Variants in NUMB observed in about 807,000 individuals in gnomAD.
NUMB encodes the protein protein numb homolog.
A neutral mutation model predicts 59.7 loss-of-function variants in NUMB; 29 were observed. That is an observed-to-expected ratio of 0.49 (90% CI 0.36 to 0.66). The LOEUF (loss-of-function observed/expected upper bound fraction) is 0.66. NUMB is among the 30% of genes least tolerant of loss of function. NUMB has a pLI of 0.00. For synonymous variants in NUMB, 288 were observed against 288.2 expected, an observed-to-expected ratio of 1.00 and a Z score of 0.01; for missense variants, 723 against 822.0, an observed-to-expected ratio of 0.88 and a Z score of 1.47.
At chr14:73,384,026 A>T (rs1210388850) in intron 2 of NUMB, among the ~76,000 whole-genome samples, 1 of 152,178 alleles carries the variant, frequency 6.6e-6, no homozygotes, top group East Asian at 1.9e-4. Flanking sequence ...CAAAAAAATA[A>T]ATAAATAAAA....
At chr14:73,412,670 T>C (rs1253675586) in intron 1 of NUMB, among the ~76,000 whole-genome samples, 1 of 150,980 alleles carries the variant, frequency 6.6e-6, no homozygotes, top group Non-Finnish European at 1.5e-5. Flanking sequence ...TGTCTTGCTC[T>C]GTTGCCTGGA....
rs942219633 is a variant in NUMB, at chr14:73,275,344, T to C, written c.*1234A>G. The C allele has an allele frequency of 5.9e-5, 9 of 152,524 alleles. No homozygotes were observed. Among genetic ancestry groups the C allele is most frequent in the Non-Finnish European group, 1.5e-5 (1 of 68,032 alleles). The allele number at this position is 152,524 out of a possible 1,614,324, so 9.4% of individuals were successfully genotyped here. A position where few individuals can be genotyped will look rare whatever the true frequency, so the allele number is the denominator to read the frequency against. ...AATGAGATGAGCTCTCTTATTGTTA[T>C]CCGAGGTCAAGAGGCTGCAACTGTC... On this transcript the variant is annotated 3_prime_UTR_variant, in exon 13 of 13. Transcript: ENST00000555238.
rs397713746 is a variant in NUMB at position 73,440,827 on chromosome 14, C to CAAAAAAAA, written c.-233+17658_-233+17665dup. 4.2e-5 allele frequency among the ~76,000 whole-genome samples: 2 copies of CAAAAAAAA among 47,822 alleles called. 1 individual carries two copies. Among genetic ancestry groups the CAAAAAAAA allele is most frequent in the African/African-American group, 1.3e-4 (2 of 15,156 alleles). The allele number at this position is 47,822 out of a possible 152,430, so 31.4% of individuals were successfully genotyped here. A position where few individuals can be genotyped will look rare whatever the true frequency, so the allele number is the denominator to read the frequency against. ...TGGGTGACAGAGCGAGACTCCGTCTCAAAAAAAAAAAAAAAAAAAAAAAGG... is the reference window on the plus strand; with the variant it reads ...TGGGTGACAGAGCGAGACTCCGTCTCAAAAAAAAAAAAAAAAAAAAAAAAAAAAAAAGG... On this transcript the variant is annotated intron_variant, in intron 1 of 12. Transcript: ENST00000555238.
intron 1 of NUMB, among the ~76,000 whole-genome samples, chr14:73,424,687 T>C (rs747331009): frequency 6.6e-6 from 1 of 152,346 alleles, no homozygotes; most frequent in Non-Finnish European, 1.5e-5. Context: ...ATAATCTTCA[T>C]GAGCACGTCT....
intron 2 of NUMB, among the ~76,000 whole-genome samples, chr14:73,394,823 T>C (rs1377313530): frequency 1.3e-5 from 2 of 152,180 alleles, no homozygotes; most frequent in African/African-American, 2.4e-5. Flanking sequence ...CATTTCTTCA[T>C]TTGAAACAAA....
intron 6 of NUMB, among the ~76,000 whole-genome samples, chr14:73,313,010 A>T (rs1322638261): frequency 6.7e-6 from 1 of 150,050 alleles, no homozygotes; most frequent in Non-Finnish European, 1.5e-5. Context: ...TTTTTGAGAC[A>T]GAGTCTTGCT....
chr14:73,352,514 ATATATATATATATATGTTT>A (rs1893430360), intron 4 of NUMB, among the ~76,000 whole-genome samples: 2 of 12,382 alleles, frequency 1.6e-4, no homozygotes, highest in Non-Finnish European at 2.7e-4. Flanking sequence ...ATATATATAT[ATATATATATATATATGTTT>A]TTTTTTTTTT....
intron 4 of NUMB, among the ~76,000 whole-genome samples, chr14:73,350,084 C>T (rs1475448021): frequency 6.7e-6 from 1 of 148,550 alleles, no homozygotes; most frequent in East Asian, 2.0e-4. Flanking sequence ...TACATACACA[C>T]ACACACACAC....
At chr14:73,344,783 T>C (rs527943139) in intron 4 of NUMB, among the ~76,000 whole-genome samples, 8 of 152,324 alleles carry the variant, frequency 5.3e-5, no homozygotes, top group African/African-American at 9.6e-5. Context: ...ATTTACCCAA[T>C]AGAAGATCCA....
At chr14:73,391,190 C>G (rs571075445) in intron 2 of NUMB, among the ~76,000 whole-genome samples, 24 of 151,854 alleles carry the variant, frequency 1.6e-4, no homozygotes, top group Non-Finnish European at 1.5e-5. Flanking sequence ...TTTCATAGGA[C>G]TGTATAAGGA....
intron 2 of NUMB, among the ~76,000 whole-genome samples, chr14:73,375,112 C>T (rs572390348): frequency 7.9e-5 from 12 of 152,258 alleles, no homozygotes; most frequent in African/African-American, 2.6e-4. Context: ...AACTTTTATC[C>T]TATTCAAGTC....
Position 73,354,765 on chromosome 14 carries a change from T to C in NUMB, c.126+861A>G, listed in dbSNP as rs528799879. Among the ~76,000 whole-genome samples the C allele has an allele frequency of 1.0e-3, 138 of 134,020 alleles. 4 individuals are homozygous for C. In the South Asian group the frequency reaches 0.03, roughly 29 times the overall value. 87.9% of individuals were successfully genotyped at this position (134,020 alleles called of 152,430 possible). On this transcript the variant is annotated intron_variant, in intron 4 of 12. Coordinates refer to ENST00000555238, the MANE Select transcript of NUMB (RefSeq NM_001005743.2). ...ATCGCTTGAACCCAGGAGGTGGAGA[T>C]TGCAGTGAGTTGAGATCATGCCACT...
intron 6 of NUMB, among the ~76,000 whole-genome samples, chr14:73,303,079 G>A (rs1890240403): frequency 6.6e-6 from 1 of 151,956 alleles, no homozygotes; most frequent in Admixed American, 6.6e-5. Context: ...TTAGCCGGGT[G>A]TGGTAGCAGG....
chr14:73,367,774 C>CAAAAAAAAAAAAAAAA (rs11463575), intron 2 of NUMB, among the ~76,000 whole-genome samples: 1 of 111,858 alleles, frequency 8.9e-6, no homozygotes, highest in African/African-American at 3.4e-5. Context: ...GACCCTGTTT[C>CAAAAAAAAAAAAAAAA]AAAAAAAAAA....
chr14:73,319,959 G>C (rs1891311352), intron 5 of NUMB, among the ~76,000 whole-genome samples: 1 of 152,084 alleles, frequency 6.6e-6, no homozygotes, highest in Non-Finnish European at 1.5e-5. Context: ...GTGAAACTCT[G>C]TCTCTACTAA....
intron 1 of NUMB, among the ~76,000 whole-genome samples, chr14:73,423,138 C>T (rs1260836250): frequency 6.6e-6 from 1 of 152,018 alleles, no homozygotes; most frequent in Non-Finnish European, 1.5e-5. Flanking sequence ...CCAAACTAAA[C>T]TGCTTTACAA....
intron 6 of NUMB, among the ~76,000 whole-genome samples, chr14:73,313,064 G>A (rs1407153365): frequency 6.6e-6 from 1 of 150,732 alleles, no homozygotes; most frequent in Non-Finnish European, 1.5e-5. Flanking sequence ...TAGGCTCACT[G>A]CAACCTCCAC....
intron 2 of NUMB, among the ~76,000 whole-genome samples, chr14:73,405,199 G>T (rs566931126): frequency 2.0e-5 from 3 of 152,122 alleles, no homozygotes; most frequent in Non-Finnish European, 2.9e-5. Flanking sequence ...AATATCACAG[G>T]TGGATCCAGG....
chr14:73,326,503 T>C (rs966770287), intron 4 of NUMB, among the ~76,000 whole-genome samples: 1 of 151,994 alleles, frequency 6.6e-6, no homozygotes, highest in African/African-American at 2.4e-5. Context: ...GGCAGGCGCC[T>C]GTAATTCCAG....
Sources: allele counts gnomAD v4.1 joint callset (sites outside exome capture counted in the v4.1 genomes callset), GRCh38; gene constraint gnomAD v4.1.1; transcripts MANE v1.5; gene names NCBI Gene and HGNC (gene_info 2026-07-23, HGNC 2026-07-21).